The following EXOC2 variants were observed in gnomAD, a reference collection of about 807,000 sequenced individuals.
EXOC2 encodes the protein exocyst complex component 2.
In EXOC2, 70 loss-of-function variants were observed where a neutral mutation model predicts 131.8. The ratio of observed to expected loss-of-function variants is 0.53; its 90% CI spans 0.44 to 0.65. EXOC2 has a LOEUF of 0.65. Among genes scored for constraint, EXOC2 ranks in the 30% least tolerant of loss-of-function variants. The pLI is 0.00. For missense variants in EXOC2, 923 were observed against 1,108.6 expected, an observed-to-expected ratio of 0.83 and a Z score of 2.38; for synonymous variants, 411 against 398.4, an observed-to-expected ratio of 1.03 and a Z score of -0.38.
chr6:636,157 T>A (rs1762091293), intron 2 of EXOC2, among the ~76,000 whole-genome samples: 1 of 152,084 alleles, frequency 6.6e-6, no homozygotes, highest in Non-Finnish European at 1.5e-5. Flanking sequence ...AAAATTTACC[T>A]AGACTATTGT....
intron 7 of EXOC2, among the ~76,000 whole-genome samples, chr6:603,339 C>T (rs765789787): frequency 1.5e-4 from 23 of 152,156 alleles, no homozygotes; most frequent in Non-Finnish European, 3.2e-4. Context: ...TAGAAAATGA[C>T]GAGATAGGCT....
intron 1 of EXOC2, among the ~76,000 whole-genome samples, chr6:676,893 A>C (rs75683019): frequency 0.064 from 2,428 of 37,842 alleles, 3 homozygotes; most frequent in East Asian, 0.3. Context: ...GTTCCTCTGG[A>C]GACTGCGGTT....
chr6:630,280 A>G (rs190196483), intron 3 of EXOC2, among the ~76,000 whole-genome samples: 12 of 152,378 alleles, frequency 7.9e-5, no homozygotes, highest in African/African-American at 2.9e-4. Flanking sequence ...AATAAACACT[A>G]CAATTAAACA....
At position 516,160 on chromosome 6, in the gene EXOC2, G is replaced by A. The variant is rs74691848; in HGVS notation, c.2380+16309C>T. On this transcript the variant is annotated intron_variant, in intron 23 of 27. Coordinates refer to ENST00000230449, the MANE Select transcript of EXOC2 (RefSeq NM_018303.6). ...CAAATACTGAGACAGTCCTGAAAGCGTTTCATTAAATCTCACCTTACCGCA... is the reference window on the plus strand; with the variant it reads ...CAAATACTGAGACAGTCCTGAAAGCATTTCATTAAATCTCACCTTACCGCA... Among the ~76,000 whole-genome samples, 1,287 of 152,286 alleles carry A rather than the reference G, an allele frequency of 8.5e-3. 18 individuals carry two copies. Among genetic ancestry groups the A allele is most frequent in the African/African-American group, 0.03 (1,228 of 41,536 alleles).
intron 13 of EXOC2, among the ~76,000 whole-genome samples, chr6:570,136 C>T (rs1581460776): frequency 7.1e-6 from 1 of 139,970 alleles, no homozygotes; most frequent in African/African-American, 2.6e-5. Flanking sequence ...AATTCTTTCT[C>T]TTTTTTTTTT....
chr6:562,798 C>T lies in EXOC2; in HGVS notation c.1837G>A (p.Gly613Arg). 1 of 1,598,016 alleles carries T rather than the reference C, an allele frequency of 6.3e-7. No homozygotes were observed. ...EKEDWIVDNE[G>R]LTSLPCQFEQ... ...CTTAAACTTACTAGAGAAGTCAGTCCTTCATTGTCAACAATCCAGTCTTCT... is the reference window on the plus strand; with the variant it reads ...CTTAAACTTACTAGAGAAGTCAGTCTTTCATTGTCAACAATCCAGTCTTCT... The change falls in exon 17 of 28, where the codon GGA (glycine) becomes AGA (arginine). Residue 613 changes from glycine (G) to arginine (R), a missense_variant. Gly to Arg is a moderately radical substitution (Grantham distance 125, BLOSUM62 -2). Transcript: ENST00000230449.
At chr6:525,236 C>T (rs908302158) in intron 23 of EXOC2, 5 of 152,208 alleles carry the variant, frequency 3.3e-5, no homozygotes, top group Non-Finnish European at 7.3e-5. Context: ...CCATCACAGG[C>T]TTACATAAAG....
chr6:642,272 A>G (rs967019206), intron 1 of EXOC2, among the ~76,000 whole-genome samples: 1 of 152,208 alleles, frequency 6.6e-6, no homozygotes, highest in African/African-American at 2.4e-5. Flanking sequence ...TAAATTTTAG[A>G]TATTTTATTT....
At chr6:516,852 A>C (rs1765190263) in intron 23 of EXOC2, among the ~76,000 whole-genome samples, 1 of 152,222 alleles carries the variant, frequency 6.6e-6, no homozygotes, top group African/African-American at 2.4e-5. Context: ...CTAAATTCTC[A>C]GAGTTCCTAG....
At chr6:586,286 C>T (rs953021099) in intron 11 of EXOC2, among the ~76,000 whole-genome samples, 1 of 152,308 alleles carries the variant, frequency 6.6e-6, no homozygotes, top group African/African-American at 2.4e-5. Flanking sequence ...TGAAGCTTTA[C>T]ATCCAATGTA....
At position 564,852 on chromosome 6, in the gene EXOC2, AC is replaced by A; in HGVS notation, c.1509+11del. 1 of 1,610,126 alleles carries A rather than the reference AC, an allele frequency of 6.2e-7. No individual in the cohort carries two copies. The highest frequency in any genetic ancestry group is 8.5e-7 in the Non-Finnish European group (1 of 1,178,924). On this transcript the variant is annotated intron_variant, in intron 14 of 27. Transcript: ENST00000230449. Reference sequence around the variant, plus strand: ...CTGTGAAAAGGTCTACATACTTATCACCCTTACTCACCTTAAAATCATTTTG... The same window carrying A: ...CTGTGAAAAGGTCTACATACTTATCACCTTACTCACCTTAAAATCATTTTG...
chr6:659,845 C>A (rs1763332887), intron 1 of EXOC2, among the ~76,000 whole-genome samples: 1 of 152,170 alleles, frequency 6.6e-6, no homozygotes, highest in Admixed American at 6.5e-5. Flanking sequence ...TTTCAAGGGA[C>A]TGAGAAGCCT....
chr6:648,260 T>C (rs1410422094), intron 1 of EXOC2, among the ~76,000 whole-genome samples: 1 of 152,228 alleles, frequency 6.6e-6, no homozygotes. Context: ...TATGTTCTTA[T>C]GTTTGTTGAT....
intron 25 of EXOC2, among the ~76,000 whole-genome samples, chr6:494,045 G>C (rs112607236): frequency 5.3e-5 from 8 of 152,296 alleles, no homozygotes; most frequent in African/African-American, 1.9e-4. Context: ...TAATTCATCT[G>C]TAGTATTACA....
At chr6:536,404 C>A (rs1329994901) in intron 22 of EXOC2, among the ~76,000 whole-genome samples, 2 of 151,930 alleles carry the variant, frequency 1.3e-5, no homozygotes, top group African/African-American at 4.8e-5. Flanking sequence ...TAACAAAAGA[C>A]ATGGAAAATC....
intron 11 of EXOC2, among the ~76,000 whole-genome samples, chr6:592,239 C>T (rs948680553): frequency 4.6e-5 from 7 of 151,856 alleles, no homozygotes; most frequent in African/African-American, 1.5e-4. Flanking sequence ...CTGCCTGCCC[C>T]GAAACGTCAA....
chr6:689,276 A>T (rs1466768386), intron 1 of EXOC2: 2 of 148,772 alleles, frequency 1.3e-5, no homozygotes, highest in African/African-American at 5.0e-5. Context: ...AAACTGGATG[A>T]TGTATTTTTA....
chr6:514,925 A>G (rs981389978), intron 23 of EXOC2, among the ~76,000 whole-genome samples: 5 of 152,246 alleles, frequency 3.3e-5, no homozygotes, highest in African/African-American at 4.8e-5. Flanking sequence ...CCAGAAGCCA[A>G]TGACCAGATC....
At chr6:657,011 C>G in intron 1 of EXOC2, 1 of 1,325,114 alleles carries the variant, frequency 7.5e-7, no homozygotes, top group Non-Finnish European at 1.0e-6. Context: ...CCTTCCGGTC[C>G]GCTGGGGTCC....
Sources: allele counts gnomAD v4.1 joint callset (sites outside exome capture counted in the v4.1 genomes callset), GRCh38; gene constraint gnomAD v4.1.1; transcripts MANE v1.5; gene names NCBI Gene and HGNC (gene_info 2026-07-23, HGNC 2026-07-21).